The following GPHN variants were observed in gnomAD, a reference collection of about 807,000 sequenced individuals.
The protein encoded by GPHN is gephyrin.
GPHN carries 17 observed loss-of-function variants against 95.5 expected under a neutral mutation model. That is an observed-to-expected ratio of 0.18 (90% confidence interval 0.12 to 0.27). The LOEUF (loss-of-function observed/expected upper bound fraction) is 0.27. Ranked by LOEUF, GPHN falls within the 10% of genes least tolerant of loss-of-function variation. The probability of loss-of-function intolerance (pLI) is 1.00; values close to 1 mark genes in which losing one functional copy is unlikely to be tolerated. For missense variants in GPHN, 660 were observed against 978.1 expected, an observed-to-expected ratio of 0.67 and a Z score of 4.34; for synonymous variants, 320 against 322.5, an observed-to-expected ratio of 0.99 and a Z score of 0.08.
chr14:67,479,549 C>T, the GPHN span, among the ~76,000 whole-genome samples: 1 of 151,790 alleles, frequency 6.6e-6, no homozygotes, highest in Non-Finnish European at 1.5e-5. Flanking sequence ...GAAACCACAT[C>T]CCTACTAAAA....
chr14:66,781,863 A>G (rs907031705), intron 3 of GPHN, among the ~76,000 whole-genome samples: 2 of 152,200 alleles, frequency 1.3e-5, no homozygotes, highest in Non-Finnish European at 2.9e-5. Flanking sequence ...GTACTCATGT[A>G]TAAGTTTCTC....
At chr14:66,764,106 G>A (rs2058867368) in intron 2 of GPHN, among the ~76,000 whole-genome samples, 2 of 152,058 alleles carry the variant, frequency 1.3e-5, no homozygotes, top group African/African-American at 2.4e-5. Context: ...TAGAAATAAC[G>A]TGCACAATAA....
chr14:67,530,105 C>T, the GPHN span, among the ~76,000 whole-genome samples: 1 of 152,198 alleles, frequency 6.6e-6, no homozygotes. Context: ...GTCTCTCAAG[C>T]CATCTGCTTA....
chr14:67,494,615 G>A, the GPHN span, among the ~76,000 whole-genome samples: 2 of 152,184 alleles, frequency 1.3e-5, no homozygotes, highest in Non-Finnish European at 2.9e-5. Flanking sequence ...GAGAGGTAGG[G>A]GATGCCTAGA....
rs1352191640 is a variant in GPHN at position 67,078,524 on chromosome 14, A to G, written c.1145-10459A>G. Among the ~76,000 whole-genome samples, 22 of 152,142 alleles carry G rather than the reference A, an allele frequency of 1.4e-4. 1 individual carries two copies. The highest frequency in any genetic ancestry group is 3.2e-4 in the Non-Finnish European group (22 of 68,006). ...CAAGTTTTATCCAACACTACTGCTTAGCTTCTACCTATGGGCAAAGGGAAG... is the reference window on the plus strand; with the variant it reads ...CAAGTTTTATCCAACACTACTGCTTGGCTTCTACCTATGGGCAAAGGGAAG... On this transcript the variant is annotated intron_variant, in intron 11 of 22. Transcript: ENST00000478722.
At chr14:66,679,926 C>T (rs1167609932) in intron 1 of GPHN, among the ~76,000 whole-genome samples, 1 of 152,098 alleles carries the variant, frequency 6.6e-6, no homozygotes, top group South Asian at 2.1e-4. Context: ...TTGTTAGTCA[C>T]ATTTTGTGCC....
the GPHN span, among the ~76,000 whole-genome samples, chr14:67,732,513 T>C: frequency 3.1e-5 from 4 of 130,786 alleles, no homozygotes; most frequent in African/African-American, 1.1e-4. Flanking sequence ...AGAGACTATA[T>C]CTCTATTTAT....
intron 5 of GPHN, among the ~76,000 whole-genome samples, chr14:66,891,723 T>G (rs1407244006): frequency 6.6e-6 from 1 of 151,906 alleles, no homozygotes; most frequent in Non-Finnish European, 1.5e-5. Flanking sequence ...ATATTCACAA[T>G]CACATATCTG....
At chr14:67,159,321 C>G in intron 18 of GPHN, 94 bp from the exon 19 acceptor site, 3 of 817,820 alleles carry the variant, frequency 3.7e-6, no homozygotes, top group Non-Finnish European at 6.5e-6. Flanking sequence ...TGTTTCTTTT[C>G]ATTTCAATCT....
intron 17 of GPHN, among the ~76,000 whole-genome samples, chr14:67,124,139 C>T (rs1036077705): frequency 6.6e-6 from 1 of 152,130 alleles, no homozygotes; most frequent in African/African-American, 2.4e-5. Context: ...GGAGTGGTGG[C>T]TCACACCTGT....
At chr14:67,601,794 C>T in the GPHN span, among the ~76,000 whole-genome samples, 39 of 151,618 alleles carry the variant, frequency 2.6e-4, no homozygotes, top group Non-Finnish European at 2.6e-4. Flanking sequence ...CCCAGCTGTT[C>T]GGGTGGCTGA....
the GPHN span, chr14:67,691,193 G>C: frequency 6.2e-7 from 1 of 1,613,952 alleles, no homozygotes; most frequent in Non-Finnish European, 8.5e-7. Flanking sequence ...CTTCGAGTAC[G>C]GACACATCAT....
At chr14:66,852,589 A>G (rs1229926036) in intron 4 of GPHN, among the ~76,000 whole-genome samples, 1 of 152,212 alleles carries the variant, frequency 6.6e-6, no homozygotes, top group African/African-American at 2.4e-5. Flanking sequence ...TTGTGCATGC[A>G]TGCCTAAGGA....
At chr14:67,374,865 A>G in the GPHN span, among the ~76,000 whole-genome samples, 1 of 152,134 alleles carries the variant, frequency 6.6e-6, no homozygotes, top group African/African-American at 2.4e-5. Flanking sequence ...CAGCCCTCCA[A>G]AGTGCTGGGA....
chr14:66,576,912 C>A (rs1182502668), intron 1 of GPHN, among the ~76,000 whole-genome samples: 1 of 152,040 alleles, frequency 6.6e-6, no homozygotes, highest in East Asian at 1.9e-4. Flanking sequence ...CAATTTGTTC[C>A]CCTATTCTGA....
the GPHN span, chr14:67,384,368 T>G: frequency 7.7e-5 from 8 of 103,344 alleles, no homozygotes; most frequent in African/African-American, 1.7e-4. Context: ...CTTACTGTTG[T>G]TTTTTTTTTT....
At chr14:66,547,237 T>C (rs1244329131) in intron 1 of GPHN, among the ~76,000 whole-genome samples, 1 of 152,222 alleles carries the variant, frequency 6.6e-6, no homozygotes, top group African/African-American at 2.4e-5. Context: ...TCTTTCAGTT[T>C]AGTAGGTCTC....
chr14:67,729,822 G>A, the GPHN span: 1 of 478,242 alleles, frequency 2.1e-6, no homozygotes, highest in Non-Finnish European at 4.2e-6. Flanking sequence ...GGCACTATCT[G>A]TTGAAATATA....
chr14:67,572,174 C>G, the GPHN span: 22 of 1,607,570 alleles, frequency 1.4e-5, no homozygotes, highest in Non-Finnish European at 1.9e-5. Context: ...GGTGACTACG[C>G]CATCCCCCCG....
Sources: allele counts gnomAD v4.1 joint callset (sites outside exome capture counted in the v4.1 genomes callset), GRCh38; gene constraint gnomAD v4.1.1; transcripts MANE v1.5; gene names NCBI Gene and HGNC (gene_info 2026-07-23, HGNC 2026-07-21).